The following EFCAB13 variants were observed in gnomAD, a reference collection of about 807,000 sequenced individuals.
The protein encoded by EFCAB13 is EF-hand calcium-binding domain-containing protein 13.
EFCAB13 carries 91 observed loss-of-function variants against 110.2 expected under a neutral mutation model. The observed-to-expected ratio is 0.83, with a 90% confidence interval of 0.70 to 0.98. The LOEUF is 0.98. EFCAB13 is among the 50% of genes least tolerant of loss of function. The probability of loss-of-function intolerance (pLI) is 0.00; values close to 1 mark genes in which losing one functional copy is unlikely to be tolerated. For synonymous variants in EFCAB13, 323 were observed against 369.9 expected (o/e 0.87, Z 1.45); for missense variants, 968 against 1,119.4 (o/e 0.86, Z 1.93).
At chr17:47,335,142 T>G (rs781286687) in intron 4 of EFCAB13, 54 bp from the exon 5 acceptor site, 28 of 1,462,130 alleles carry the variant, frequency 1.9e-5, no homozygotes, top group Non-Finnish European at 2.6e-5. Flanking sequence ...AATGTCATAT[T>G]TAATATGTAT....
In EFCAB13 at chr17:47,377,788, T is replaced by A. The variant is rs2065624517; in HGVS notation, c.1395T>A (p.Ser465Arg). 2.5e-6 allele frequency: 4 copies of A among 1,586,424 alleles called. No homozygotes were observed. The highest frequency in any genetic ancestry group is 3.9e-5 in the Admixed American group (2 of 51,372). Residue 465 changes from serine (S) to arginine (R), a missense_variant, in exon 13 of 25, where the codon AGT becomes AGA. Transcript: ENST00000331493. ...TAGAAAACTTCTGTGAAGCTATCAG[T>A]AAACTTCAAGAAAATTACATTGCAG... ...STLENFCEAI[S>R]KLQENYIAAE...
At chr17:47,412,631 C>A in intron 21 of EFCAB13, 142 bp from the exon 22 acceptor site, 1 of 860,558 alleles carries the variant, frequency 1.2e-6, no homozygotes, top group Non-Finnish European at 1.7e-6. Flanking sequence ...CCATCAGTTA[C>A]AAATAGAAAA....
At chr17:47,401,819 A>AT (rs1225252097) in intron 17 of EFCAB13, among the ~76,000 whole-genome samples, 1 of 151,500 alleles carries the variant, frequency 6.6e-6, no homozygotes, top group African/African-American at 2.4e-5. Flanking sequence ...TAATTTTTGT[A>AT]TTTTTTAGTA....
At chr17:47,433,908 G>A (rs563158379) in intron 24 of EFCAB13, among the ~76,000 whole-genome samples, 29 of 151,974 alleles carry the variant, frequency 1.9e-4, no homozygotes, top group Non-Finnish European at 3.4e-4. Flanking sequence ...TTAGACAATA[G>A]CAAAACAAAT....
At position 47,370,608 on chromosome 17, in the gene EFCAB13, CCTT is replaced by C. The variant is rs376676647; in HGVS notation, c.877+103_877+105del. ...TTTATTTTATAAAGGGTTTTGAAAACCTTCTCTGAATAATTTACCCTCTTAAAT... is the reference window on the plus strand; with the variant it reads ...TTTATTTTATAAAGGGTTTTGAAAACCTCTGAATAATTTACCCTCTTAAAT... On this transcript the variant is annotated intron_variant, in intron 11 of 24. Transcript: ENST00000331493. 1.9e-3 allele frequency: 1,451 copies of C among 759,578 alleles called. 29 individuals are homozygous for C. In the South Asian group the frequency reaches 0.024, roughly 13 times the overall value. The allele number at this position is 759,578 out of a possible 1,614,324, so 47.1% of individuals were successfully genotyped here.
At chr17:47,335,910 C>G (rs2065347064) in intron 5 of EFCAB13, among the ~76,000 whole-genome samples, 1 of 152,184 alleles carries the variant, frequency 6.6e-6, no homozygotes, top group Non-Finnish European at 1.5e-5. Context: ...GATTACAATT[C>G]AACATGAGAT....
intron 9 of EFCAB13, among the ~76,000 whole-genome samples, chr17:47,353,211 TG>T (rs2065462979): frequency 6.6e-6 from 1 of 152,268 alleles, no homozygotes; most frequent in East Asian, 1.9e-4. Flanking sequence ...ATGTTGGCTG[TG>T]GGTTTGTCAT....
chr17:47,345,189 CCTAATGG>C (rs2143268544), intron 8 of EFCAB13, 91 bp downstream of exon 8: 1 of 856,218 alleles, frequency 1.2e-6, no homozygotes, highest in Admixed American at 2.4e-5. Context: ...TTCATCTACT[CCTAATGG>C]CTTATGGTAT....
intron 10 of EFCAB13, 24 bp downstream of exon 10, chr17:47,361,545 A>G: frequency 2.5e-6 from 4 of 1,573,868 alleles, no homozygotes; most frequent in East Asian, 2.2e-5. Flanking sequence ...ATTGAGATAT[A>G]TATGTCCATA....
intron 9 of EFCAB13, among the ~76,000 whole-genome samples, chr17:47,355,923 C>T (rs929606026): frequency 2.0e-5 from 3 of 151,928 alleles, no homozygotes; most frequent in East Asian, 1.9e-4. Flanking sequence ...TTTGTTGCCT[C>T]GGGTTAATTA....
chr17:47,380,039 A>G (rs879364259), intron 14 of EFCAB13, among the ~76,000 whole-genome samples: 2 of 152,144 alleles, frequency 1.3e-5, no homozygotes, highest in Non-Finnish European at 2.9e-5. Context: ...TAGCAAGTCG[A>G]TTTCTTTTAA....
chr17:47,424,792 A>G (rs1314638933), intron 23 of EFCAB13, among the ~76,000 whole-genome samples: 1 of 151,546 alleles, frequency 6.6e-6, no homozygotes, highest in Non-Finnish European at 1.5e-5. Context: ...AACCGTTTCT[A>G]AAGTTAAATT....
intron 14 of EFCAB13, among the ~76,000 whole-genome samples, chr17:47,388,873 A>G (rs1276503369): frequency 6.6e-6 from 1 of 152,112 alleles, no homozygotes; most frequent in Non-Finnish European, 1.5e-5. Context: ...TTCACCAACA[A>G]TGTATGAGGA....
rs1383958511 is a variant in EFCAB13 at position 47,374,593 on chromosome 17, A to G, written c.999A>G (p.Ser333=). The change falls in exon 12 of 25, where the codon TCA becomes TCG. Residue 333 remains serine, a synonymous_variant. Coordinates refer to ENST00000331493, the MANE Select transcript of EFCAB13 (RefSeq NM_152347.5). ...TGTCTTCCAAACTCCCTGAACCTTC[A>G]ATATCCAAAAAGTTAAATAAAAAAA... The part of the protein sequence containing the change: ...NSLSSKLPEP[S]ISKKLNKKSN... 1 of 1,604,288 alleles carries G rather than the reference A, an allele frequency of 6.2e-7. No individual in the cohort carries two copies. Among genetic ancestry groups the G allele is most frequent in the Middle Eastern group, 1.7e-4 (1 of 5,998 alleles).
At chr17:47,350,752 A>G (rs2065445024) in intron 9 of EFCAB13, among the ~76,000 whole-genome samples, 1 of 152,122 alleles carries the variant, frequency 6.6e-6, no homozygotes, top group Non-Finnish European at 1.5e-5. Context: ...TTACCTATAC[A>G]TTATAAATAA....
chr17:47,411,943 A>T (rs2065837617), intron 21 of EFCAB13, among the ~76,000 whole-genome samples: 1 of 152,130 alleles, frequency 6.6e-6, no homozygotes, highest in African/African-American at 2.4e-5. Flanking sequence ...AATATTTAAA[A>T]AATTAGCCAT....
At position 47,324,000 on chromosome 17, in the gene EFCAB13, C is replaced by T. The variant is rs1199882116; in HGVS notation, c.-392C>T. On this transcript the variant is annotated 5_prime_UTR_variant, in exon 1 of 25. Transcript: ENST00000331493. ...GGCTGCAGAGCTAGAGCAGCGCCGC[C>T]CGAGGGGCGGCAGGGGCTGACCACA... is the stretch of plus-strand genomic sequence containing the variant. 2.0e-5 allele frequency: 3 copies of T among 152,236 alleles called. No individual in the cohort carries two copies. Among genetic ancestry groups the T allele is most frequent in the Non-Finnish European group, 4.4e-5 (3 of 68,210 alleles). The allele number at this position is 152,236 out of a possible 1,614,324, so 9.4% of individuals were successfully genotyped here. A position where few individuals can be genotyped will look rare whatever the true frequency, so the allele number is the denominator to read the frequency against.
chr17:47,420,699 C>A (rs1904644126), intron 23 of EFCAB13, among the ~76,000 whole-genome samples: 1 of 149,750 alleles, frequency 6.7e-6, no homozygotes, highest in East Asian at 2.0e-4. Flanking sequence ...AGTGAGGAGA[C>A]CCTCCGCCCG....
chr17:47,392,563 C>T (rs2143413835), intron 15 of EFCAB13, among the ~76,000 whole-genome samples: 1 of 151,908 alleles, frequency 6.6e-6, no homozygotes, highest in East Asian at 1.9e-4. Flanking sequence ...AGAAATTTAC[C>T]AATAGGACAA....
Sources: gnomAD v4.1 joint callset for allele counts (sites outside exome capture counted in the v4.1 genomes callset) on GRCh38, gnomAD v4.1.1 for gene constraint, MANE v1.5 for transcripts, NCBI Gene and HGNC (gene_info 2026-07-23, HGNC 2026-07-21) for gene names.